Variants in ZNF609 observed in about 807,000 individuals in gnomAD.
ZNF609 encodes zinc finger protein 609.
A neutral mutation model predicts 109.5 loss-of-function variants in ZNF609; 11 were observed. The ratio of observed to expected loss-of-function variants is 0.10; its 90% CI spans 0.06 to 0.17. The LOEUF (loss-of-function observed/expected upper bound fraction) is 0.17, where lower values mean the gene tolerates loss of function less well. Among genes scored for constraint, ZNF609 ranks in the 10% least tolerant of loss-of-function variants. The pLI is 1.00. For synonymous variants in ZNF609, 646 were observed against 662.0 expected (o/e 0.98, Z 0.37); for missense variants, 1,559 against 1,772.4 (o/e 0.88, Z 2.16).
At chr15:64,578,835 C>T (rs931112114) in intron 2 of ZNF609, among the ~76,000 whole-genome samples, 15 of 152,038 alleles carry the variant, frequency 9.9e-5, no homozygotes, top group Admixed American at 3.3e-4. Flanking sequence ...CCCATCTGTA[C>T]AAAAAAGTAC....
intron 1 of ZNF609, among the ~76,000 whole-genome samples, chr15:64,464,976 G>T (rs540053009): frequency 6.6e-6 from 1 of 152,284 alleles, no homozygotes; most frequent in South Asian, 2.1e-4. Context: ...TAGTAAGATG[G>T]TAATAGAATA....
At position 64,517,365 on chromosome 15, in the gene ZNF609, G is replaced by C. The variant is rs577889696; in HGVS notation, c.747+17199G>C. On this transcript the variant is annotated intron_variant, in intron 2 of 9. Transcript: ENST00000326648. ...GCATTCCAGCCTAGGTGACAGAGGG[G>C]GATTCTGTCTCAAACAAAACAAAAC... Among the ~76,000 whole-genome samples the C allele has an allele frequency of 3.3e-5, 5 of 152,138 alleles. No individual in the cohort carries two copies. In the East Asian group the frequency reaches 9.7e-4, roughly 29 times the overall value.
At chr15:64,630,091 C>CTTTTTTTTTTTTTTTTTTTTTTTTTT (rs200425813) in intron 3 of ZNF609, among the ~76,000 whole-genome samples, 1 of 143,062 alleles carries the variant, frequency 7.0e-6, no homozygotes. Context: ...TCCTAATTTT[C>CTTTTTTTTTTTTTTTTTTTTTTTTTT]TTTTTTCTTT....
chr15:64,653,521 C>T lies in ZNF609; in HGVS notation c.974-16825C>T, dbSNP rs781491173. The stretch of plus-strand genomic sequence containing the variant: ...ATTAGCTGGGTGTGGCGGCGTGCGC[C>T]TGTAGTCCCAGCTACTTGGGAGGCT... On this transcript the variant is annotated intron_variant, in intron 3 of 9. Coordinates refer to ENST00000326648, the MANE Select transcript of ZNF609 (RefSeq NM_015042.2). Among the ~76,000 whole-genome samples, 25 of 152,296 alleles carry T rather than the reference C, an allele frequency of 1.6e-4. 2 individuals are homozygous for T. The East Asian group carries it at 3.9e-3, about 24-fold the overall frequency.
chr15:64,602,079 G>A (rs11071802), intron 2 of ZNF609, among the ~76,000 whole-genome samples: 33,169 of 152,082 alleles, frequency 0.22, 4,496 homozygotes, highest in Admixed American at 0.31. Context: ...CTGGCACACA[G>A]TAGGCATACA....
At chr15:64,570,999 C>T (rs1468272515) in intron 2 of ZNF609, among the ~76,000 whole-genome samples, 6 of 152,104 alleles carry the variant, frequency 3.9e-5, no homozygotes, top group Non-Finnish European at 5.9e-5. Flanking sequence ...GCACTCCAGC[C>T]GGGGCAACAG....
At chr15:64,543,492 G>A (rs1894305703) in intron 2 of ZNF609, among the ~76,000 whole-genome samples, 1 of 149,178 alleles carries the variant, frequency 6.7e-6, no homozygotes, top group South Asian at 2.1e-4. Flanking sequence ...TGCCCAGGCT[G>A]AAGTGCAGTG....
At chr15:64,572,833 G>A (rs1014291197) in intron 2 of ZNF609, among the ~76,000 whole-genome samples, 3 of 152,142 alleles carry the variant, frequency 2.0e-5, no homozygotes, top group African/African-American at 4.8e-5. Flanking sequence ...ACCGGGAGGC[G>A]GAAGTTGTGG....
At chr15:64,478,156 GT>G (rs1391948753) in intron 1 of ZNF609, among the ~76,000 whole-genome samples, 4 of 628 alleles carry the variant, frequency 6.4e-3, no homozygotes, top group African/African-American at 8.4e-3. Context: ...TAGAATAAAG[GT>G]GTGTGTGTGT....
intron 1 of ZNF609, among the ~76,000 whole-genome samples, chr15:64,479,582 C>A (rs552224640): frequency 6.6e-6 from 1 of 151,946 alleles, no homozygotes; most frequent in Non-Finnish European, 1.5e-5. Flanking sequence ...TGAGCCACCG[C>A]GCCTGGCCCG....
intron 2 of ZNF609, among the ~76,000 whole-genome samples, chr15:64,521,590 A>G (rs143307546): frequency 6.6e-6 from 1 of 152,334 alleles, no homozygotes; most frequent in African/African-American, 2.4e-5. Context: ...TCTGCTGCCA[A>G]GACGACAGTC....
intron 2 of ZNF609, among the ~76,000 whole-genome samples, chr15:64,504,887 G>A (rs1893612109): frequency 6.6e-6 from 1 of 151,872 alleles, no homozygotes; most frequent in Non-Finnish European, 1.5e-5. Context: ...TTCTGCCTTG[G>A]TCTCACTTAT....
At chr15:64,666,805 G>A (rs193063547) in intron 3 of ZNF609, among the ~76,000 whole-genome samples, 31 of 149,102 alleles carry the variant, frequency 2.1e-4, no homozygotes, top group Middle Eastern at 3.4e-3. Context: ...ATGAGCCACC[G>A]CACCCGGCTT....
chr15:64,605,067 G>A (rs568490927), intron 2 of ZNF609, among the ~76,000 whole-genome samples: 86 of 152,174 alleles, frequency 5.7e-4, no homozygotes, highest in African/African-American at 2.0e-3. Flanking sequence ...TCCTGACCTC[G>A]TGATCCGCCC....
intron 2 of ZNF609, among the ~76,000 whole-genome samples, chr15:64,616,051 T>C (rs1689101091): frequency 6.6e-6 from 1 of 152,128 alleles, no homozygotes; most frequent in African/African-American, 2.4e-5. Flanking sequence ...GGGTCTCTCA[T>C]TTTGGTGCTC....
chr15:64,678,092 G>A (rs775569140), intron 5 of ZNF609, 24 bp from the exon 6 acceptor site: 19 of 1,601,040 alleles, frequency 1.2e-5, no homozygotes, highest in Non-Finnish European at 1.4e-5. Context: ...ACAACACCCA[G>A]TCGTTGTTCT....
intron 3 of ZNF609, among the ~76,000 whole-genome samples, chr15:64,640,247 C>G (rs2140989675): frequency 6.6e-6 from 1 of 152,168 alleles, no homozygotes; most frequent in Admixed American, 6.5e-5. Context: ...CTTTGTTGCC[C>G]TGGCTGGTCT....
intron 2 of ZNF609, among the ~76,000 whole-genome samples, chr15:64,514,910 T>G (rs1893784770): frequency 6.6e-6 from 1 of 152,216 alleles, no homozygotes; most frequent in African/African-American, 2.4e-5. Context: ...GTGCTGGGAT[T>G]AGAGGTGTGA....
At chr15:64,572,908 A>AAAAAG (rs746846124) in intron 2 of ZNF609, among the ~76,000 whole-genome samples, 1 of 152,192 alleles carries the variant, frequency 6.6e-6, no homozygotes, top group African/African-American at 2.4e-5. Context: ...TCTTGAGAAA[A>AAAAAG]AAAAGAAAAG....
Sources: gnomAD v4.1 joint callset for allele counts (sites outside exome capture counted in the v4.1 genomes callset) on GRCh38, gnomAD v4.1.1 for gene constraint, MANE v1.5 for transcripts, NCBI Gene and HGNC (gene_info 2026-07-23, HGNC 2026-07-21) for gene names.